POU2F3: variants seen among roughly 807,000 people sequenced by gnomAD.
The protein encoded by POU2F3 is POU class 2 homeobox 3.
POU2F3 carries 23 observed loss-of-function variants against 59.2 expected under a neutral mutation model. The observed-to-expected ratio is 0.39, with a 90% CI of 0.28 to 0.55. POU2F3 has a LOEUF of 0.55. POU2F3 is among the 20% of genes least tolerant of loss of function. The probability of loss-of-function intolerance (pLI) is 0.66; values close to 1 mark genes in which losing one functional copy is unlikely to be tolerated. For missense variants in POU2F3, 473 were observed against 544.5 expected (o/e 0.87, Z 1.31); for synonymous variants, 190 against 214.6 (o/e 0.89, Z 1.00).
chr11:120,260,404 A>T (rs1939544623), intron 2 of POU2F3, among the ~76,000 whole-genome samples: 1 of 152,226 alleles, frequency 6.6e-6, no homozygotes, highest in Non-Finnish European at 1.5e-5. Flanking sequence ...GTGTCCACAG[A>T]TGCCAAGGGG....
intron 6 of POU2F3, chr11:120,304,377 T>G (rs1941427661): frequency 2.0e-5 from 3 of 148,226 alleles, no homozygotes. Context: ...AGAAAGAATA[T>G]CTCCTAGCAA....
intron 3 of POU2F3, among the ~76,000 whole-genome samples, chr11:120,273,582 C>T (rs1940172217): frequency 6.6e-6 from 1 of 152,250 alleles, no homozygotes; most frequent in African/African-American, 2.4e-5. Context: ...TCAAGCATGA[C>T]TAGTTTCATT....
intron 2 of POU2F3, among the ~76,000 whole-genome samples, chr11:120,264,610 T>C (rs1939751391): frequency 6.6e-6 from 1 of 152,208 alleles, no homozygotes; most frequent in Non-Finnish European, 1.5e-5. Context: ...AACCCAGCTC[T>C]GCAGTTTAGA....
At position 120,255,499 on chromosome 11, in the gene POU2F3, G is replaced by C. The variant is rs557032492; in HGVS notation, c.97+8982G>C. On this transcript the variant is annotated intron_variant, in intron 2 of 12. Transcript: ENST00000543440. ...CCATATCCCTGCCTCAAAGCCTGTTGGGGTGGGGAGGGGGAGAGGTCATTT... is the reference window on the plus strand; with the variant it reads ...CCATATCCCTGCCTCAAAGCCTGTTCGGGTGGGGAGGGGGAGAGGTCATTT... 2.3e-3 allele frequency among the ~76,000 whole-genome samples: 344 copies of C among 152,236 alleles called. 1 individual carries two copies. The highest frequency in any genetic ancestry group is 8.0e-3 in the African/African-American group (332 of 41,536).
rs942549711 is a variant in POU2F3, at chr11:120,285,899, C to G, written c.133-12366C>G. Among the ~76,000 whole-genome samples the G allele has an allele frequency of 1.4e-5, 2 of 146,850 alleles. No homozygotes were observed. The highest frequency in any genetic ancestry group is 7.1e-5 in the Admixed American group (1 of 14,172). ...TGTTTGGGGGTTTTTCTGTTTTTTT[C>G]TGAGACGGAGTCTTGCTCTGTCACC... is the stretch of plus-strand genomic sequence containing the variant. On this transcript the variant is annotated intron_variant, in intron 3 of 12. Coordinates refer to ENST00000543440, the MANE Select transcript of POU2F3 (RefSeq NM_014352.4). This position sits in a 1 kb window ranked among gnomAD's most constrained non-coding sequence, Gnocchi z 4.3.
intron 1 of POU2F3, 51 bp downstream of exon 1, chr11:120,240,422 G>C (rs774033637): frequency 7.5e-7 from 1 of 1,341,664 alleles, no homozygotes; most frequent in East Asian, 2.8e-5. Context: ...GCGTGGGCAG[G>C]GGTGAAGGAG....
intron 3 of POU2F3, among the ~76,000 whole-genome samples, chr11:120,283,805 G>GTGTGTGTGTA: frequency 7.1e-6 from 1 of 141,772 alleles, no homozygotes; most frequent in African/African-American, 2.7e-5. Flanking sequence ...GTGTGTGTGT[G>GTGTGTGTGTA]TGTGTGTGTG....
At chr11:120,288,128 C>CAAAA in intron 3 of POU2F3, among the ~76,000 whole-genome samples, 1,948 of 63,266 alleles carry the variant, frequency 0.031, 183 homozygotes, top group African/African-American at 0.098. Flanking sequence ...ACAAAAAAAC[C>CAAAA]AAAAAAAAAA....
chr11:120,272,995 C>CT (rs1940145403), intron 3 of POU2F3, among the ~76,000 whole-genome samples: 1 of 152,200 alleles, frequency 6.6e-6, no homozygotes, highest in Non-Finnish European at 1.5e-5. Flanking sequence ...GGTGTCATTA[C>CT]TTATCTCTTG....
chr11:120,239,814 C>T (rs1249491663), upstream of POU2F3, among the ~76,000 whole-genome samples: 1 of 152,236 alleles, frequency 6.6e-6, no homozygotes, highest in African/African-American at 2.4e-5. Context: ...CACTCCAACT[C>T]CTTGCAGCGC....
At chr11:120,248,586 A>G (rs1938964386) in intron 2 of POU2F3, among the ~76,000 whole-genome samples, 1 of 152,062 alleles carries the variant, frequency 6.6e-6, no homozygotes, top group African/African-American at 2.4e-5. Flanking sequence ...TCCCTTTCCC[A>G]TTTAGGAAAG....
chr11:120,288,128 CAAAAAAAAAA>C, intron 3 of POU2F3, among the ~76,000 whole-genome samples: 1 of 63,334 alleles, frequency 1.6e-5, no homozygotes, highest in African/African-American at 6.9e-5. Flanking sequence ...ACAAAAAAAC[CAAAAAAAAAA>C]AAAAAAAAAA....
At chr11:120,255,050 A>G (rs1017786522) in intron 2 of POU2F3, 2 of 152,276 alleles carry the variant, frequency 1.3e-5, no homozygotes, top group Non-Finnish European at 2.9e-5. Flanking sequence ...ATCTCCTACC[A>G]CTGGCACCAC....
At chr11:120,272,931 C>T (rs1169635742) in intron 3 of POU2F3, among the ~76,000 whole-genome samples, 1 of 152,186 alleles carries the variant, frequency 6.6e-6, no homozygotes, top group Non-Finnish European at 1.5e-5. Flanking sequence ...GACAAATAAA[C>T]TGGAAAAGCT....
In POU2F3 at chr11:120,302,366, C is replaced by T. The variant is rs1347386317; in HGVS notation, c.442C>T (p.Gln148Ter). The change falls in exon 6 of 13, where the codon CAG (glutamine) becomes TAG (stop). Residue 148 changes from glutamine to a stop codon, truncating the protein, a stop_gained and splice_region_variant. Transcript: ENST00000543440. LOFTEE classifies it high-confidence loss of function. ...LPQTGPGLAS[Q>*]AFGHPGLPGS... ...ACAGACTGGGCCGGGACTGGCATCCCAGGTAAACAACCCCATTCTTCCTGT... is the reference window on the plus strand; with the variant it reads ...ACAGACTGGGCCGGGACTGGCATCCTAGGTAAACAACCCCATTCTTCCTGT... The T allele has an allele frequency of 6.3e-7, 1 of 1,597,428 alleles. No homozygotes were observed. Among genetic ancestry groups the T allele is most frequent in the Non-Finnish European group, 8.6e-7 (1 of 1,165,018 alleles).
intron 10 of POU2F3, among the ~76,000 whole-genome samples, chr11:120,313,654 T>C (rs959619057): frequency 6.6e-6 from 1 of 152,230 alleles, no homozygotes; most frequent in African/African-American, 2.4e-5. Flanking sequence ...TGTTCGCATA[T>C]GCCTAGCCTG....
At chr11:120,268,336 GTATT>G (rs199656933) in intron 2 of POU2F3, among the ~76,000 whole-genome samples, 1 of 151,852 alleles carries the variant, frequency 6.6e-6, no homozygotes, top group Admixed American at 6.6e-5. Flanking sequence ...TTCCTCTTAT[GTATT>G]TATTTATTTA....
chr11:120,274,136 G>GAAGA, intron 3 of POU2F3, among the ~76,000 whole-genome samples: 1 of 139,928 alleles, frequency 7.1e-6, no homozygotes, highest in Non-Finnish European at 1.6e-5. Flanking sequence ...AGGAAGGAAG[G>GAAGA]AAGGAAGGAA....
rs1159637950 is a variant in POU2F3, at chr11:120,299,769, G to A, written c.361+43G>A. On this transcript the variant is annotated intron_variant, in intron 5 of 12. Coordinates refer to ENST00000543440, the MANE Select transcript of POU2F3 (RefSeq NM_014352.4). The stretch of plus-strand genomic sequence containing the variant: ...TTCCACCTAGACCAAGTCCAGTCAA[G>A]TGCTGCTGTTGCTGCTGTTTTTTGC... The A allele has an allele frequency of 5.2e-6, 8 of 1,545,398 alleles. 1 individual carries two copies. The highest frequency in any genetic ancestry group is 4.6e-5 in the South Asian group (4 of 86,722).
Sources: gnomAD v4.1 joint callset for allele counts (sites outside exome capture counted in the v4.1 genomes callset) on GRCh38, gnomAD v4.1.1 for gene constraint, Gnocchi (gnomAD v3.1) non-coding constraint, MANE v1.5 for transcripts, NCBI Gene and HGNC (gene_info 2026-07-23, HGNC 2026-07-21) for gene names.